Variants in PAX7 observed in about 807,000 individuals in gnomAD.
PAX7 encodes the protein paired box 7.
PAX7 carries 18 observed loss-of-function variants against 50.7 expected under a neutral mutation model. That is an observed-to-expected ratio of 0.36 (90% CI 0.25 to 0.53). The LOEUF (loss-of-function observed/expected upper bound fraction) is 0.53. Ranked by LOEUF, PAX7 falls within the 20% of genes least tolerant of loss-of-function variation. The pLI, the probability that PAX7 is intolerant of heterozygous loss-of-function variation, is 0.93. For missense variants in PAX7, 644 were observed against 702.9 expected (o/e 0.92, Z 0.95); for synonymous variants, 310 against 290.4 (o/e 1.07, Z -0.69).
At chr1:18,713,601 G>C (rs2089381863) in intron 7 of PAX7, among the ~76,000 whole-genome samples, 1 of 152,194 alleles carries the variant, frequency 6.6e-6, no homozygotes, top group South Asian at 2.1e-4. Context: ...GGCTGTCTCT[G>C]CTCTTATACT....
At chr1:18,719,359 C>T (rs2100364664) in intron 7 of PAX7, among the ~76,000 whole-genome samples, 1 of 152,328 alleles carries the variant, frequency 6.6e-6, no homozygotes, top group South Asian at 2.1e-4. Context: ...GGGAGATCCG[C>T]CCCTGCCCTG....
At chr1:18,703,601 A>G (rs2089250720) in intron 7 of PAX7, among the ~76,000 whole-genome samples, 1 of 152,210 alleles carries the variant, frequency 6.6e-6, no homozygotes, top group Admixed American at 6.5e-5. Flanking sequence ...GTGATTGGTT[A>G]AGTCATTCAT....
chr1:18,724,777 T>G (rs1362646222), intron 7 of PAX7, among the ~76,000 whole-genome samples: 5 of 152,208 alleles, frequency 3.3e-5, no homozygotes, highest in African/African-American at 1.2e-4. Flanking sequence ...GAACAGGCAT[T>G]TTTCATTATA....
At chr1:18,710,878 C>T (rs1284378957) in intron 7 of PAX7, among the ~76,000 whole-genome samples, 2 of 152,166 alleles carry the variant, frequency 1.3e-5, no homozygotes, top group Non-Finnish European at 2.9e-5. Context: ...ACCCTTCTCT[C>T]GCACATTTTC....
At chr1:18,677,102 G>A (rs2088834624) in intron 4 of PAX7, among the ~76,000 whole-genome samples, 1 of 152,186 alleles carries the variant, frequency 6.6e-6, no homozygotes, top group Non-Finnish European at 1.5e-5. Flanking sequence ...AGGTGATTTG[G>A]GGGACACTTC....
At chr1:18,708,712 C>A (rs1341420212) in intron 7 of PAX7, among the ~76,000 whole-genome samples, 1 of 152,080 alleles carries the variant, frequency 6.6e-6, no homozygotes, top group Non-Finnish European at 1.5e-5. Context: ...GGAGTAGTGA[C>A]CACAGGCAGA....
chr1:18,712,177 G>A (rs370360300), intron 7 of PAX7, among the ~76,000 whole-genome samples: 9 of 40,684 alleles, frequency 2.2e-4, no homozygotes, highest in Non-Finnish European at 4.1e-4. Context: ...ACTGACGGTC[G>A]CTTTAGTCCT....
In PAX7 at chr1:18,670,751, C is replaced by T. The variant is rs569171752; in HGVS notation, c.587-21003C>T. Among the ~76,000 whole-genome samples the T allele has an allele frequency of 1.4e-3, 212 of 152,312 alleles. 1 individual carries two copies. Among genetic ancestry groups the T allele is most frequent in the African/African-American group, 4.7e-3 (194 of 41,560 alleles). ...GCTGCAGGCCATGGAGACGACAGCC[C>T]GGGCCCGTGCGAGTCCCTCCACCTG... On this transcript the variant is annotated intron_variant, in intron 4 of 8. Coordinates refer to ENST00000420770, the MANE Select transcript of PAX7 (RefSeq NM_001135254.2).
At chr1:18,734,402 C>G (rs891023101) in intron 7 of PAX7, among the ~76,000 whole-genome samples, 3 of 152,156 alleles carry the variant, frequency 2.0e-5, no homozygotes, top group African/African-American at 7.2e-5. Flanking sequence ...CCCTCCTACC[C>G]TCTCCCCTGC....
intron 4 of PAX7, among the ~76,000 whole-genome samples, chr1:18,656,973 C>T (rs2088531605): frequency 6.6e-6 from 1 of 152,068 alleles, no homozygotes; most frequent in African/African-American, 2.4e-5. Flanking sequence ...GCCTTGACAA[C>T]AGAGCAAAAC....
At chr1:18,705,088 T>C (rs1418562386) in intron 7 of PAX7, among the ~76,000 whole-genome samples, 2 of 152,220 alleles carry the variant, frequency 1.3e-5, no homozygotes, top group Non-Finnish European at 2.9e-5. Context: ...GCCACTTACT[T>C]GGCTGACCTT....
chr1:18,662,355 G>A (rs2088612220), intron 4 of PAX7, among the ~76,000 whole-genome samples: 1 of 152,164 alleles, frequency 6.6e-6, no homozygotes, highest in Non-Finnish European at 1.5e-5. Context: ...CATTGGTGTG[G>A]TTCCATGAGG....
Position 18,636,926 on chromosome 1 carries a change from C to T in PAX7, c.586+555C>T, listed in dbSNP as rs1009145469. 3.9e-5 allele frequency among the ~76,000 whole-genome samples: 6 copies of T among 152,328 alleles called. No homozygotes were observed. The highest frequency in any genetic ancestry group is 2.1e-4 in the South Asian group (1 of 4,828). On this transcript the variant is annotated intron_variant, in intron 4 of 8. Coordinates refer to ENST00000420770, the MANE Select transcript of PAX7 (RefSeq NM_001135254.2). The surrounding 1 kb of genome is among the most constrained non-coding windows in gnomAD (Gnocchi z 5.1). Reference sequence around the variant, plus strand: ...AATTAGCCAGGGCCGCCGCCTGACTCAGCCCCGCGTTGCCAGGGCGGACTG... The same window carrying T: ...AATTAGCCAGGGCCGCCGCCTGACTTAGCCCCGCGTTGCCAGGGCGGACTG...
At chr1:18,733,573 G>A (rs1402641215) in intron 7 of PAX7, among the ~76,000 whole-genome samples, 1 of 152,164 alleles carries the variant, frequency 6.6e-6, no homozygotes, top group Non-Finnish European at 1.5e-5. Flanking sequence ...TGGGGTGAGA[G>A]TGACAGAGGG....
rs1027876376 is a variant in PAX7 at position 18,636,583 on chromosome 1, C to T, written c.586+212C>T. Among the ~76,000 whole-genome samples the T allele has an allele frequency of 6.6e-6, 1 of 152,244 alleles. No homozygotes were observed. Among genetic ancestry groups the T allele is most frequent in the African/African-American group, 2.4e-5 (1 of 41,464 alleles). ...TGCCGGCTAGATGCGAAGCCCGCGC[C>T]TTCTTTGCGCTATGGAGGCCGGGCA... is the stretch of plus-strand genomic sequence containing the variant. On this transcript the variant is annotated intron_variant, in intron 4 of 8. Coordinates refer to ENST00000420770, the MANE Select transcript of PAX7 (RefSeq NM_001135254.2). This position sits in a 1 kb window ranked among gnomAD's most constrained non-coding sequence, Gnocchi z 5.1.
chr1:18,631,595 T>C lies in PAX7; in HGVS notation c.-9T>C, dbSNP rs774974785. ...GCCGACTTTGGATTCGTCCCCGGCG[T>C]GCGCAAGAATGGCGGCCCTTCCCGG... On this transcript the variant is annotated 5_prime_UTR_variant, in exon 1 of 9. Coordinates refer to ENST00000420770, the MANE Select transcript of PAX7 (RefSeq NM_001135254.2). 3 of 1,610,932 alleles carry C rather than the reference T, an allele frequency of 1.9e-6. No homozygotes were observed. Among genetic ancestry groups the C allele is most frequent in the Non-Finnish European group, 2.5e-6 (3 of 1,178,980 alleles).
At chr1:18,712,369 A>G (rs1399406262) in intron 7 of PAX7, among the ~76,000 whole-genome samples, 1 of 152,258 alleles carries the variant, frequency 6.6e-6, no homozygotes, top group Non-Finnish European at 1.5e-5. Context: ...CAGAGGCCTC[A>G]GCTCCAGCCC....
intron 4 of PAX7, among the ~76,000 whole-genome samples, chr1:18,652,623 A>G (rs2088451096): frequency 6.6e-6 from 1 of 152,230 alleles, no homozygotes; most frequent in South Asian, 2.1e-4. Context: ...ACTTAGGACA[A>G]TGGCCAGTTG....
intron 4 of PAX7, among the ~76,000 whole-genome samples, chr1:18,676,533 G>A (rs2088824477): frequency 6.6e-6 from 1 of 151,826 alleles, no homozygotes; most frequent in Non-Finnish European, 1.5e-5. Context: ...GGAGGAGAGG[G>A]GAAAGGAAGG....
Sources: allele counts gnomAD v4.1 joint callset (sites outside exome capture counted in the v4.1 genomes callset), GRCh38; gene constraint gnomAD v4.1.1; non-coding constraint Gnocchi (gnomAD v3.1); transcripts MANE v1.5; gene names NCBI Gene and HGNC (gene_info 2026-07-23, HGNC 2026-07-21).